The following SAMM50 variants were observed in gnomAD, a reference collection of about 807,000 sequenced individuals.
The protein encoded by SAMM50 is sorting and assembly machinery component 50 homolog.
SAMM50 carries 47 observed loss-of-function variants against 66.9 expected under a neutral mutation model. The observed-to-expected ratio is 0.70, with a 90% confidence interval of 0.56 to 0.90. SAMM50 has a LOEUF of 0.90. Among genes scored for constraint, SAMM50 ranks in the 40% least tolerant of loss-of-function variants. The pLI is 0.00. For synonymous variants in SAMM50, 191 were observed against 214.1 expected, an observed-to-expected ratio of 0.89 and a Z score of 0.94; for missense variants, 535 against 595.3, an observed-to-expected ratio of 0.90 and a Z score of 1.05.
At chr22:43,985,602 C>T (rs4823109) in intron 12 of SAMM50, among the ~76,000 whole-genome samples, 26,486 of 151,938 alleles carry the variant, frequency 0.17, 2,645 homozygotes, top group East Asian at 0.38. Context: ...ATTCAGCTGC[C>T]GAAGGACAGC....
chr22:43,987,898 G>GTATATATATATA lies in SAMM50; in HGVS notation c.1076-1208_1076-1197dup, dbSNP rs34664449. ...GAAAAAAAGTAGGACTGGAAACTGT[G>GTATATATATATA]TATATATATATATATACACACACAG... On this transcript the variant is annotated intron_variant, in intron 12 of 14. Transcript: ENST00000350028. 3.9e-3 allele frequency: 584 copies of GTATATATATATA among 149,172 alleles called. 6 individuals are homozygous for GTATATATATATA. The highest frequency in any genetic ancestry group is 0.014 in the African/African-American group (548 of 40,404). 9.2% of individuals were successfully genotyped at this position (149,172 alleles called of 1,614,324 possible).
chr22:43,996,163 A>G lies in SAMM50; in HGVS notation c.1365-175A>G, dbSNP rs533823632. 5 of 727,848 alleles carry G rather than the reference A, an allele frequency of 6.9e-6. No homozygotes were observed. In the Admixed American group the frequency reaches 1.0e-4, roughly 15 times the overall value. 45.1% of individuals were successfully genotyped at this position (727,848 alleles called of 1,614,324 possible). A position where few individuals can be genotyped will look rare whatever the true frequency, so the allele number is the denominator to read the frequency against. On this transcript the variant is annotated intron_variant, in intron 14 of 14. Transcript: ENST00000350028. ...AACCAGCTGGTGAAGGTTCTTAACCAGCAAAGGAGGAAGCAGCCGGGGCCG... is the reference window on the plus strand; with the variant it reads ...AACCAGCTGGTGAAGGTTCTTAACCGGCAAAGGAGGAAGCAGCCGGGGCCG...
chr22:43,964,572 T>C lies in SAMM50; in HGVS notation c.234+19T>C. 2 of 1,318,292 alleles carry C rather than the reference T, an allele frequency of 1.5e-6. No homozygotes were observed. The highest frequency in any genetic ancestry group is 2.2e-6 in the Non-Finnish European group (2 of 912,196). 81.7% of individuals were successfully genotyped at this position (1,318,292 alleles called of 1,614,324 possible). On this transcript the variant is annotated intron_variant, in intron 3 of 14. Transcript: ENST00000350028. ...AATTGAGGTAGGTGTGGTCTCTACA[T>C]GGTGTGCTTTCCCAGTCTCTTCTGA...
intron 1 of SAMM50, among the ~76,000 whole-genome samples, chr22:43,958,473 G>GGT (rs2050130875): frequency 9.1e-6 from 1 of 109,304 alleles, no homozygotes; most frequent in Admixed American, 9.1e-5. Flanking sequence ...CCTTTATGGA[G>GGT]CTCTTTTTTT....
At chr22:43,968,258 A>T (rs553194883) in intron 3 of SAMM50, among the ~76,000 whole-genome samples, 57 of 151,316 alleles carry the variant, frequency 3.8e-4, no homozygotes, top group African/African-American at 1.3e-3. Context: ...GAAAAAAGAA[A>T]AAAAGAAAAA....
chr22:43,986,680 T>C (rs2050295846), intron 12 of SAMM50: 2 of 151,942 alleles, frequency 1.3e-5, no homozygotes, highest in South Asian at 4.2e-4. Flanking sequence ...ACCTCCTGAA[T>C]AGCTGGGATT....
intron 1 of SAMM50, among the ~76,000 whole-genome samples, chr22:43,961,495 G>A (rs1321440065): frequency 1.3e-5 from 2 of 152,070 alleles, no homozygotes; most frequent in Admixed American, 6.6e-5. Flanking sequence ...TGTCACCTAG[G>A]CTAGAGTGCA....
At chr22:43,962,158 C>T (rs559566731) in intron 1 of SAMM50, among the ~76,000 whole-genome samples, 40 of 152,338 alleles carry the variant, frequency 2.6e-4, no homozygotes, top group African/African-American at 7.7e-4. Context: ...AACGTGCTCA[C>T]GACACTTACA....
At chr22:43,996,131 A>T (rs768676522) in intron 14 of SAMM50, 75 of 674,372 alleles carry the variant, frequency 1.1e-4, no homozygotes, top group Non-Finnish European at 1.7e-4. Flanking sequence ...CCATTCTCCG[A>T]GGGCTTAACC....
intron 3 of SAMM50, among the ~76,000 whole-genome samples, chr22:43,965,406 T>C (rs1437734845): frequency 1.3e-5 from 2 of 151,970 alleles, no homozygotes; most frequent in East Asian, 3.9e-4. Context: ...TGGGGCTTTG[T>C]CATGTTGGCC....
chr22:43,975,645 G>A (rs574777095), intron 7 of SAMM50: 11 of 157,644 alleles, frequency 7.0e-5, no homozygotes, highest in Admixed American at 6.2e-4. Context: ...TCGCTGGGTT[G>A]CCAGGCCTGG....
intron 14 of SAMM50, among the ~76,000 whole-genome samples, chr22:43,992,996 G>T (rs959769690): frequency 3.9e-5 from 6 of 152,266 alleles, no homozygotes; most frequent in African/African-American, 1.4e-4. Context: ...ACTGTCTTCA[G>T]CAGACCAGGC....
At chr22:43,971,717 G>GTT (rs1047086244) in intron 4 of SAMM50, among the ~76,000 whole-genome samples, 25 of 147,442 alleles carry the variant, frequency 1.7e-4, no homozygotes, top group African/African-American at 5.0e-4. Flanking sequence ...TTGGTTTTTG[G>GTT]TTTTTTTTTT....
intron 1 of SAMM50, among the ~76,000 whole-genome samples, chr22:43,961,309 C>G (rs189498893): frequency 6.6e-6 from 1 of 152,288 alleles, no homozygotes; most frequent in African/African-American, 2.4e-5. Context: ...GTGTCCATCT[C>G]TAAGAGGTGA....
At chr22:43,977,463 G>GC (rs36001903) in intron 9 of SAMM50, among the ~76,000 whole-genome samples, 1 of 152,222 alleles carries the variant, frequency 6.6e-6, no homozygotes, top group African/African-American at 2.4e-5. Flanking sequence ...CAGGGCAAAA[G>GC]CCCGGGGGTG....
rs1383300532 is a variant in SAMM50 at position 43,996,393 on chromosome 22, C to G, written c.*10C>G. 2 of 1,613,838 alleles carry G rather than the reference C, an allele frequency of 1.2e-6. No homozygotes were observed. Among genetic ancestry groups the G allele is most frequent in the Non-Finnish European group, 1.7e-6 (2 of 1,179,800 alleles). ...GATAAGGTTCCTGTAGCCGACACCCCTACAGGAGAAGCTCTGGGACTGGGG... is the reference window on the plus strand; with the variant it reads ...GATAAGGTTCCTGTAGCCGACACCCGTACAGGAGAAGCTCTGGGACTGGGG... On this transcript the variant is annotated 3_prime_UTR_variant, in exon 15 of 15. Transcript: ENST00000350028.
In SAMM50 at chr22:43,996,460, A is replaced by ACG. The variant is rs1193123057; in HGVS notation, c.*80_*81dup. 8.6e-6 allele frequency: 12 copies of ACG among 1,394,224 alleles called. No individual in the cohort carries two copies. In the African/African-American group the frequency reaches 1.4e-4, roughly 17 times the overall value. 86.4% of individuals were successfully genotyped at this position (1,394,224 alleles called of 1,614,324 possible). The stretch of plus-strand genomic sequence containing the variant: ...ATGCCACACACCGTCTCTCGAGGAA[A>ACG]CGCGGTTCAGCGATTCTTTGACTGC... On this transcript the variant is annotated 3_prime_UTR_variant, in exon 15 of 15. Coordinates refer to ENST00000350028, the MANE Select transcript of SAMM50 (RefSeq NM_015380.5).
chr22:43,967,947 C>T (rs1350563902), intron 3 of SAMM50, among the ~76,000 whole-genome samples: 4 of 152,054 alleles, frequency 2.6e-5, no homozygotes, highest in Admixed American at 6.6e-5. Context: ...AAAGGCCGGG[C>T]GTGGTGGCTC....
chr22:43,978,295 C>T (rs1054034148), intron 10 of SAMM50, among the ~76,000 whole-genome samples: 6 of 151,574 alleles, frequency 4.0e-5, no homozygotes, highest in African/African-American at 1.5e-4. Flanking sequence ...ATTAGCCGGG[C>T]GTGGTGGTGG....
Sources: gnomAD v4.1 joint callset for allele counts (sites outside exome capture counted in the v4.1 genomes callset) on GRCh38, gnomAD v4.1.1 for gene constraint, MANE v1.5 for transcripts, NCBI Gene and HGNC (gene_info 2026-07-23, HGNC 2026-07-21) for gene names.